CAVIN1: variants seen among roughly 807,000 people sequenced by gnomAD.
The protein encoded by CAVIN1 is caveolae-associated protein 1.
A neutral mutation model predicts 24.0 loss-of-function variants in CAVIN1; 16 were observed. The observed-to-expected ratio is 0.67, with a 90% CI of 0.45 to 1.01. CAVIN1 has a LOEUF of 1.01. Ranked by LOEUF, CAVIN1 falls within the 50% of genes least tolerant of loss-of-function variation. The pLI, the probability that CAVIN1 is intolerant of heterozygous loss-of-function variation, is 0.00. For synonymous variants in CAVIN1, 256 were observed against 256.4 expected (o/e 1.00, Z 0.02); for missense variants, 510 against 551.7 (o/e 0.92, Z 0.76).
At position 42,405,259 on chromosome 17, in the gene CAVIN1, G is replaced by A; in HGVS notation, c.601C>T (p.Leu201Phe). 1 of 1,613,470 alleles carries A rather than the reference G, an allele frequency of 6.2e-7. No individual in the cohort carries two copies. Among genetic ancestry groups the A allele is most frequent in the South Asian group, 1.1e-5 (1 of 91,074 alleles). ...RPEEDAAALE[L>F]SSDEAVEVEE... is the part of the protein sequence containing the mutation. Reference sequence around the variant, plus strand: ...ACCTCCACCGCCTCGTCCGACGAAAGCTCCAGCGCCGCTGCGTCCTCCTCG... The same window carrying A: ...ACCTCCACCGCCTCGTCCGACGAAAACTCCAGCGCCGCTGCGTCCTCCTCG... Residue 201 changes from leucine (L) to phenylalanine (F), a missense_variant, in exon 2 of 2, where the codon CTT (leucine) becomes TTT (phenylalanine). Physicochemically the swap from Leu to Phe is conservative, Grantham distance 22 (BLOSUM62 0). Transcript: ENST00000357037.
In CAVIN1 at chr17:42,404,334, C is replaced by T. The variant is rs1275096246; in HGVS notation, c.*353G>A. 1 of 200,832 alleles carries T rather than the reference C, an allele frequency of 5.0e-6. No homozygotes were observed. Among genetic ancestry groups the T allele is most frequent in the Non-Finnish European group, 1.0e-5 (1 of 100,324 alleles). 12.4% of individuals were successfully genotyped at this position (200,832 alleles called of 1,614,324 possible). A position where few individuals can be genotyped will look rare whatever the true frequency, so the allele number is the denominator to read the frequency against. ...AAGAGCTCAGTGAGCGGAATGACAG[C>T]AGCTGGGTGGGTGGTGTGGGGAGAG... On this transcript the variant is annotated 3_prime_UTR_variant, in exon 2 of 2. Transcript: ENST00000357037.
In CAVIN1 at chr17:42,405,163, T is replaced by TG. The variant is rs1427062799; in HGVS notation, c.696dup (p.Lys233GlnfsTer192). 11 of 1,613,084 alleles carry TG rather than the reference T, an allele frequency of 6.8e-6. No individual in the cohort carries two copies. In the East Asian group the frequency reaches 2.5e-4, roughly 36 times the overall value. On this transcript the variant is annotated frameshift_variant, in exon 2 of 2. Transcript: ENST00000357037. LOFTEE classifies it high-confidence loss of function. ...ATCTTCTCCTTGGAGAAGGCCTTCT[T>TG]GAAGTCGTCCACGCGCCGCAGGCCG...
intron 1 of CAVIN1, among the ~76,000 whole-genome samples, chr17:42,418,313 C>A (rs1358697452): frequency 2.0e-5 from 3 of 149,616 alleles, no homozygotes; most frequent in Non-Finnish European, 4.4e-5. Context: ...CTCACCGCAA[C>A]CTCTGCCTCC....
chr17:42,415,264 A>G (rs1448621810), intron 1 of CAVIN1, among the ~76,000 whole-genome samples: 1 of 152,194 alleles, frequency 6.6e-6, no homozygotes, highest in East Asian at 1.9e-4. Flanking sequence ...CAGTGAGTGT[A>G]GCGGAAGGGT....
chr17:42,404,528 G>A lies in CAVIN1; in HGVS notation c.*159C>T, dbSNP rs1010732098. On this transcript the variant is annotated 3_prime_UTR_variant, in exon 2 of 2. Coordinates refer to ENST00000357037, the MANE Select transcript of CAVIN1 (RefSeq NM_012232.6). ...ACTGCGGGGGCTGCCTCCCCATCGG[G>A]TCCTAACAGCTCTAAGACTGGGAGT... 9.6e-6 allele frequency: 5 copies of A among 521,192 alleles called. No homozygotes were observed. The highest frequency in any genetic ancestry group is 4.1e-5 in the Admixed American group (1 of 24,282). 32.3% of individuals were successfully genotyped at this position (521,192 alleles called of 1,614,324 possible).
intron 1 of CAVIN1, among the ~76,000 whole-genome samples, chr17:42,408,478 G>C (rs142361019): frequency 5.0e-5 from 5 of 99,494 alleles, no homozygotes; most frequent in African/African-American, 1.6e-4. Flanking sequence ...GTGAGAGGAG[G>C]TTTTTGTTTT....
intron 1 of CAVIN1, among the ~76,000 whole-genome samples, chr17:42,417,629 T>C (rs545515820): frequency 6.6e-6 from 1 of 152,314 alleles, no homozygotes; most frequent in African/African-American, 2.4e-5. Context: ...CATACAATTA[T>C]ATACAGTACA....
In CAVIN1 at chr17:42,404,708, C is replaced by T. The variant is rs893206641; in HGVS notation, c.1152G>A (p.Val384=). The change falls in exon 2 of 2, where the codon GTG becomes GTA. Residue 384 remains valine (V), a synonymous_variant. Transcript: ENST00000357037. ...EITEESDAVL[V]DKSDSD ...CGGCTCAGTCGCTGTCGCTCTTGTC[C>T]ACCAGCACGGCGTCCGACTCCTCGG... 3 of 1,485,068 alleles carry T rather than the reference C, an allele frequency of 2.0e-6. No individual in the cohort carries two copies. In the African/African-American group the frequency reaches 4.3e-5, roughly 22 times the overall value. The allele number at this position is 1,485,068 out of a possible 1,614,324, so 92.0% of individuals were successfully genotyped here.
chr17:42,411,958 C>T (rs1598574916), intron 1 of CAVIN1: 1 of 985,422 alleles, frequency 1.0e-6, no homozygotes, highest in Admixed American at 6.1e-5. Context: ...GGATGGTGGC[C>T]CTCCTGGCAG....
At chr17:42,405,692 T>TGTTG (rs1555586093) in intron 1 of CAVIN1, among the ~76,000 whole-genome samples, 7 of 122,552 alleles carry the variant, frequency 5.7e-5, no homozygotes, top group Admixed American at 2.5e-4. Flanking sequence ...GTTTTTTTTT[T>TGTTG]TTTTTTTTTT....
rs2085421252 is a variant in CAVIN1, at chr17:42,402,994, G to C, written c.*1693C>G. On this transcript the variant is annotated 3_prime_UTR_variant, in exon 2 of 2. Coordinates refer to ENST00000357037, the MANE Select transcript of CAVIN1 (RefSeq NM_012232.6). ...CACTCCCTTCACCCGCAAAGATTCA[G>C]GAAAAGCACCCCAAGGACAAGGAAA... is the stretch of plus-strand genomic sequence containing the variant. 1 of 152,398 alleles carries C rather than the reference G, an allele frequency of 6.6e-6. No individual in the cohort carries two copies. Among genetic ancestry groups the C allele is most frequent in the Non-Finnish European group, 1.5e-5 (1 of 68,250 alleles). The allele number at this position is 152,398 out of a possible 1,614,324, so 9.4% of individuals were successfully genotyped here. A position where few individuals can be genotyped will look rare whatever the true frequency, so the allele number is the denominator to read the frequency against.
At chr17:42,412,318 C>T (rs1003487574) in intron 1 of CAVIN1, 12 of 983,284 alleles carry the variant, frequency 1.2e-5, no homozygotes, top group Non-Finnish European at 1.2e-5. Context: ...AAAAAAGGGC[C>T]TTGGTGGCAT....
intron 1 of CAVIN1, among the ~76,000 whole-genome samples, chr17:42,409,879 C>T (rs1202545211): frequency 6.6e-6 from 1 of 152,106 alleles, no homozygotes; most frequent in Non-Finnish European, 1.5e-5. Flanking sequence ...TTAAACAAAA[C>T]CACCACTCCC....
intron 1 of CAVIN1, among the ~76,000 whole-genome samples, chr17:42,405,730 A>G (rs2085442732): frequency 7.6e-6 from 1 of 132,448 alleles, no homozygotes; most frequent in African/African-American, 3.0e-5. Flanking sequence ...TCTGTTGCCG[A>G]GGCTGGAGTG....
At position 42,411,429 on chromosome 17, in the gene CAVIN1, C is replaced by T. The variant is rs112417159; in HGVS notation, c.472-6041G>A. On this transcript the variant is annotated intron_variant, in intron 1 of 1. Transcript: ENST00000357037. Reference sequence around the variant, plus strand: ...AACATTTTTTTTAAGTTGAGAAACACTCTGCTATAGGAAGGCCAGAGGTCC... The same window carrying T: ...AACATTTTTTTTAAGTTGAGAAACATTCTGCTATAGGAAGGCCAGAGGTCC... The T allele has an allele frequency of 3.8e-3, 3,719 of 985,182 alleles. 8 individuals carry two copies. Among genetic ancestry groups the T allele is most frequent in the Non-Finnish European group, 4.2e-3 (3,508 of 829,868 alleles). 61.0% of individuals were successfully genotyped at this position (985,182 alleles called of 1,614,324 possible).
chr17:42,411,121 A>G (rs2085473686), intron 1 of CAVIN1, among the ~76,000 whole-genome samples: 1 of 135,768 alleles, frequency 7.4e-6, no homozygotes, highest in Non-Finnish European at 1.6e-5. Flanking sequence ...TGAACCGAGG[A>G]GGTGGAGGTT....
rs867384678 is a variant in CAVIN1 at position 42,403,990 on chromosome 17, T to G, written c.*697A>C. On this transcript the variant is annotated 3_prime_UTR_variant, in exon 2 of 2. Transcript: ENST00000357037. Reference sequence around the variant, plus strand: ...CCTTTCCAAAGCCATGGCCATGCGCTCCTGTGTACAGGTGCATAAACACAT... The same window carrying G: ...CCTTTCCAAAGCCATGGCCATGCGCGCCTGTGTACAGGTGCATAAACACAT... 6.6e-6 allele frequency: 1 copy of G among 152,550 alleles called. No homozygotes were observed. The allele number at this position is 152,550 out of a possible 1,614,324, so 9.4% of individuals were successfully genotyped here.
chr17:42,417,762 G>A (rs1598578628), intron 1 of CAVIN1, among the ~76,000 whole-genome samples: 2 of 152,188 alleles, frequency 1.3e-5, no homozygotes, highest in Non-Finnish European at 2.9e-5. Flanking sequence ...AGGTTCAAAC[G>A]ATTCCCCTGC....
chr17:42,422,778 A>T lies in CAVIN1; in HGVS notation c.320T>A (p.Val107Glu), dbSNP rs769532432. The T allele has an allele frequency of 1.2e-6, 2 of 1,613,558 alleles. No homozygotes were observed. The highest frequency in any genetic ancestry group is 2.2e-5 in the South Asian group (2 of 90,984). Residue 107 changes from valine to glutamate, a missense_variant, in exon 1 of 2, where the codon GTG (valine) becomes GAG (glutamate). Transcript: ENST00000357037. ...GKAHATTSNT[V>E]SKLLEKVRKV... ...GCGCACCTTCTCCAGCAGCTTGCTC[A>T]CCGTATTGCTCGTGGTGGCGTGCGC...
Sources: gnomAD v4.1 joint callset for allele counts (sites outside exome capture counted in the v4.1 genomes callset) on GRCh38, gnomAD v4.1.1 for gene constraint, MANE v1.5 for transcripts, NCBI Gene and HGNC (gene_info 2026-07-23, HGNC 2026-07-21) for gene names.